The following ADAM12 variants were observed in gnomAD, a reference collection of about 807,000 sequenced individuals.
ADAM12 encodes the protein disintegrin and metalloproteinase domain-containing protein 12.
ADAM12 carries 70 observed loss-of-function variants against 106.4 expected under a neutral mutation model. The ratio of observed to expected loss-of-function variants is 0.66; its 90% confidence interval spans 0.54 to 0.80. ADAM12 has a LOEUF of 0.80. Ranked by LOEUF, ADAM12 falls within the 30% of genes least tolerant of loss-of-function variation. ADAM12 has a pLI of 0.00. For synonymous variants in ADAM12, 420 were observed against 433.5 expected (o/e 0.97, Z 0.39); for missense variants, 1,010 against 1,171.9 (o/e 0.86, Z 2.02).
At chr10:126,023,840 C>T (rs1472743351) in intron 21 of ADAM12, among the ~76,000 whole-genome samples, 1 of 151,742 alleles carries the variant, frequency 6.6e-6, no homozygotes, top group Non-Finnish European at 1.5e-5. Context: ...GGCAAAATAG[C>T]CCTTTATGGA....
intron 11 of ADAM12, among the ~76,000 whole-genome samples, chr10:126,078,460 A>T (rs995002958): frequency 6.6e-6 from 1 of 152,102 alleles, no homozygotes; most frequent in Non-Finnish European, 1.5e-5. Context: ...TGAAGTCCCA[A>T]ACCCCCAGAA....
rs1423526620 is a variant in ADAM12, at chr10:126,064,603, A to C, written c.1609+203T>G. The C allele has an allele frequency of 1.8e-6, 1 of 569,466 alleles. No individual in the cohort carries two copies. Among genetic ancestry groups the C allele is most frequent in the Non-Finnish European group, 3.1e-6 (1 of 326,110 alleles). The allele number at this position is 569,466 out of a possible 1,614,324, so 35.3% of individuals were successfully genotyped here. ...AGCTTCTTAAGGCCAGGCTCCAGGCAGTGTCCATTTCTGTGCACCCCATGC... is the reference window on the plus strand; with the variant it reads ...AGCTTCTTAAGGCCAGGCTCCAGGCCGTGTCCATTTCTGTGCACCCCATGC... On this transcript the variant is annotated intron_variant, in intron 14 of 22. Transcript: ENST00000448723. The surrounding 1 kb of genome is among the most constrained non-coding windows in gnomAD (Gnocchi z 4.4).
chr10:126,339,288 A>G (rs1854834202), intron 1 of ADAM12, among the ~76,000 whole-genome samples: 1 of 152,122 alleles, frequency 6.6e-6, no homozygotes. Context: ...TGTCACCATC[A>G]CCACCTCAAA....
chr10:126,300,116 G>A (rs760709329), intron 2 of ADAM12, among the ~76,000 whole-genome samples: 23 of 152,280 alleles, frequency 1.5e-4, no homozygotes, highest in African/African-American at 5.1e-4. Flanking sequence ...AGCATGCAAC[G>A]TTCTGCAGTT....
intron 3 of ADAM12, among the ~76,000 whole-genome samples, chr10:126,175,891 C>A (rs1957211885): frequency 6.6e-6 from 1 of 152,250 alleles, no homozygotes; most frequent in African/African-American, 2.4e-5. Flanking sequence ...GCCCAGTCAG[C>A]ATTTAAGCCC....
chr10:126,218,706 T>G (rs1958034537), intron 3 of ADAM12, among the ~76,000 whole-genome samples: 1 of 152,204 alleles, frequency 6.6e-6, no homozygotes, highest in African/African-American at 2.4e-5. Context: ...TTTATCCATG[T>G]TCAAAGGATA....
chr10:126,310,587 G>T (rs1277382732), intron 2 of ADAM12, among the ~76,000 whole-genome samples: 3 of 152,188 alleles, frequency 2.0e-5, no homozygotes, highest in African/African-American at 7.2e-5. Flanking sequence ...AGCTGCCTCT[G>T]AGATGCCTGG....
chr10:126,066,631 C>T lies in ADAM12; in HGVS notation c.1413+86G>A, dbSNP rs550706100. ...CTGTGGTGAGTGCTGGGAAACCTTC[C>T]AGCCACACTGCTTGCCCTGCATCAG... On this transcript the variant is annotated intron_variant, in intron 13 of 22. Coordinates refer to ENST00000448723, the MANE Select transcript of ADAM12 (RefSeq NM_001288973.2). The surrounding 1 kb of genome is among the most constrained non-coding windows in gnomAD (Gnocchi z 5.1). 6.7e-6 allele frequency: 9 copies of T among 1,342,084 alleles called. No homozygotes were observed. In the East Asian group the frequency reaches 1.9e-4, roughly 28 times the overall value. The allele number at this position is 1,342,084 out of a possible 1,614,324, so 83.1% of individuals were successfully genotyped here. A position where few individuals can be genotyped will look rare whatever the true frequency, so the allele number is the denominator to read the frequency against.
intron 1 of ADAM12, among the ~76,000 whole-genome samples, chr10:126,377,950 G>A (rs750034025): frequency 5.9e-5 from 9 of 152,116 alleles, no homozygotes; most frequent in Middle Eastern, 3.4e-3. Flanking sequence ...CATTTATTTC[G>A]GAGCTCAGGA....
Position 126,194,854 on chromosome 10 carries a change from T to A in ADAM12, c.261-39549A>T, listed in dbSNP as rs79547174. Among the ~76,000 whole-genome samples the A allele has an allele frequency of 5.7e-3, 865 of 152,308 alleles. 5 individuals are homozygous for A. The highest frequency in any genetic ancestry group is 8.6e-3 in the Non-Finnish European group (587 of 68,026). On this transcript the variant is annotated intron_variant, in intron 3 of 22. Coordinates refer to ENST00000448723, the MANE Select transcript of ADAM12 (RefSeq NM_001288973.2). ...TATGTAACACAGAATGCTAGGAACA[T>A]CTTCAAAACTTTGTCTCAACGGGAT...
intron 5 of ADAM12, among the ~76,000 whole-genome samples, chr10:126,128,934 C>T (rs890975158): frequency 1.4e-5 from 2 of 147,212 alleles, no homozygotes. Context: ...GTGTGTGGTG[C>T]GCGTGTGGGA....
At chr10:126,302,582 G>A (rs1960671394) in intron 2 of ADAM12, among the ~76,000 whole-genome samples, 1 of 152,160 alleles carries the variant, frequency 6.6e-6, no homozygotes, top group Non-Finnish European at 1.5e-5. Context: ...GAGGGTGGAA[G>A]GGGAGGACGT....
intron 2 of ADAM12, among the ~76,000 whole-genome samples, chr10:126,296,598 T>C (rs542861147): frequency 6.6e-6 from 1 of 152,320 alleles, no homozygotes; most frequent in South Asian, 2.1e-4. Flanking sequence ...TATTCTGCTC[T>C]GGAAGCATGT....
At chr10:126,359,226 C>G (rs147107568) in intron 1 of ADAM12, among the ~76,000 whole-genome samples, 70 of 152,290 alleles carry the variant, frequency 4.6e-4, no homozygotes, top group African/African-American at 1.6e-3. Context: ...GGGGACACAG[C>G]CAAACCCTAT....
intron 21 of ADAM12, among the ~76,000 whole-genome samples, chr10:126,020,907 C>T (rs920206283): frequency 1.4e-5 from 2 of 146,404 alleles, no homozygotes; most frequent in South Asian, 2.2e-4. Flanking sequence ...GCAGGAGAAT[C>T]GCTTGAACCC....
chr10:126,078,920 A>G (rs1955155884), intron 11 of ADAM12, among the ~76,000 whole-genome samples: 1 of 152,132 alleles, frequency 6.6e-6, no homozygotes. Context: ...GAATGCTGAA[A>G]CACAGAAGGT....
At chr10:126,196,016 G>A (rs1565130660) in intron 3 of ADAM12, among the ~76,000 whole-genome samples, 1 of 152,282 alleles carries the variant, frequency 6.6e-6, no homozygotes, top group African/African-American at 2.4e-5. Context: ...AAGTTTTATA[G>A]GAATGCAGCT....
chr10:126,370,108 T>C (rs1328109679), intron 1 of ADAM12, among the ~76,000 whole-genome samples: 1 of 152,316 alleles, frequency 6.6e-6, no homozygotes, highest in Middle Eastern at 3.4e-3. Context: ...TTCTGTGAGC[T>C]TGAAAGCAGA....
intron 6 of ADAM12, among the ~76,000 whole-genome samples, chr10:126,117,314 G>C (rs1385320084): frequency 6.6e-6 from 1 of 152,226 alleles, no homozygotes; most frequent in Non-Finnish European, 1.5e-5. Flanking sequence ...AGGGAAGTCT[G>C]TCTGCAGCAC....
Sources: allele counts gnomAD v4.1 joint callset (sites outside exome capture counted in the v4.1 genomes callset), GRCh38; gene constraint gnomAD v4.1.1; non-coding constraint Gnocchi (gnomAD v3.1); transcripts MANE v1.5; gene names NCBI Gene and HGNC (gene_info 2026-07-23, HGNC 2026-07-21).